Variants in RFC4 observed in about 807,000 individuals in gnomAD.
RFC4 encodes the protein replication factor C subunit 4.
RFC4 carries 38 observed loss-of-function variants against 47.6 expected under a neutral mutation model. The observed-to-expected ratio is 0.80, with a 90% CI of 0.62 to 1.05. RFC4 has a LOEUF of 1.05. Ranked by LOEUF, RFC4 falls within the 50% of genes least tolerant of loss-of-function variation. The pLI, the probability that RFC4 is intolerant of heterozygous loss-of-function variation, is 0.00. For synonymous variants in RFC4, 164 were observed against 150.0 expected, an observed-to-expected ratio of 1.09 and a Z score of -0.68; for missense variants, 489 against 434.0, an observed-to-expected ratio of 1.13 and a Z score of -1.13.
chr3:186,803,483 A>C (rs1722403821), intron 2 of RFC4, among the ~76,000 whole-genome samples: 1 of 152,166 alleles, frequency 6.6e-6, no homozygotes, highest in Non-Finnish European at 1.5e-5. Flanking sequence ...TACTTGTGGT[A>C]ATATCACTTA....
chr3:186,792,515 T>A lies in RFC4; in HGVS notation c.650A>T (p.Lys217Met). 6.2e-7 allele frequency: 1 copy of A among 1,612,962 alleles called. No individual in the cohort carries two copies. Among genetic ancestry groups the A allele is most frequent in the Non-Finnish European group, 8.5e-7 (1 of 1,179,002 alleles). The stretch of plus-strand genomic sequence containing the variant: ...CTCATCACTAATTTTGACATTTTCC[T>A]TCTTGGCAATGTCTAGTAATCGCTG... ...QQQRLLDIAK[K>M]ENVKISDEGI... The change falls in exon 7 of 11, where the codon AAG (lysine) becomes ATG (methionine). Residue 217 changes from lysine (K) to methionine (M), a missense_variant. Lys to Met is a moderately conservative substitution (Grantham distance 95). This residue lies in a region of RFC4 where 283 missense variants were observed against 176.2 expected (regional missense o/e 1.61). Coordinates refer to ENST00000296273, the MANE Select transcript of RFC4 (RefSeq NM_002916.5).
At chr3:186,792,711 TTAATG>T (rs1722168115) in intron 6 of RFC4, 88 bp downstream of exon 6, 3 of 1,554,874 alleles carry the variant, frequency 1.9e-6, no homozygotes, top group South Asian at 1.2e-5. Flanking sequence ...GGAGGAAAAA[TTAATG>T]TAGCCTTGAA....
intron 3 of RFC4, among the ~76,000 whole-genome samples, chr3:186,800,041 C>T (rs200109393): frequency 5.3e-5 from 8 of 152,192 alleles, no homozygotes; most frequent in African/African-American, 1.4e-4. Context: ...GCAACCCCTC[C>T]GCCTCCCAGG....
chr3:186,791,453 C>T, intron 8 of RFC4: 1 of 387,554 alleles, frequency 2.6e-6, no homozygotes, highest in East Asian at 5.9e-5. Context: ...CTGGGCGACA[C>T]AGCAAGACTC....
intron 3 of RFC4, among the ~76,000 whole-genome samples, chr3:186,800,169 C>A (rs1722323966): frequency 6.6e-6 from 1 of 152,078 alleles, no homozygotes; most frequent in Non-Finnish European, 1.5e-5. Flanking sequence ...GTTGGCCAGG[C>A]TGGTCTTGAA....
chr3:186,793,747 G>A lies in RFC4; in HGVS notation c.411-800C>T, dbSNP rs1335832859. ...TTGCCTTTTTTTTTTTTTTGAGATA[G>A]AGTCTTGCTCTGTCGCCCAGGCTGG... On this transcript the variant is annotated intron_variant, in intron 5 of 10. Transcript: ENST00000296273. The surrounding 1 kb of genome is among the most constrained non-coding windows in gnomAD (Gnocchi z 4.2). Among the ~76,000 whole-genome samples the A allele has an allele frequency of 4.0e-5, 6 of 149,758 alleles. No individual in the cohort carries two copies. The highest frequency in any genetic ancestry group is 2.1e-4 in the South Asian group (1 of 4,760).
At position 186,790,077 on chromosome 3, in the gene RFC4, T is replaced by G; in HGVS notation, c.997-13A>C. The G allele has an allele frequency of 1.2e-6, 2 of 1,611,026 alleles. No individual in the cohort carries two copies. Among genetic ancestry groups the G allele is most frequent in the Non-Finnish European group, 1.7e-6 (2 of 1,177,486 alleles). On this transcript the variant is annotated splice_polypyrimidine_tract_variant and intron_variant, in intron 10 of 10. Transcript: ENST00000296273. The stretch of plus-strand genomic sequence containing the variant: ...ATTTGTCAACTTCCTACGAGAAAAA[T>G]TTAAGAAATTAGCATCCTTCAGGTA...
intron 3 of RFC4, 28 bp from the exon 4 acceptor site, chr3:186,797,642 A>T (rs899226019): frequency 6.8e-7 from 1 of 1,471,620 alleles, no homozygotes. Flanking sequence ...TATTTTTAAT[A>T]AATGGTATTC....
In RFC4 at chr3:186,804,501, AG is replaced by A. The variant is rs1473518362; in HGVS notation, c.131+81del. On this transcript the variant is annotated intron_variant, in intron 2 of 10. Transcript: ENST00000296273. ...AAACAGAACAAAGCATTCCTCCATA[AG>A]TTAAAAAAAAAAAAAAGTGATCAGT... is the stretch of plus-strand genomic sequence containing the variant. 7 of 1,356,030 alleles carry A rather than the reference AG, an allele frequency of 5.2e-6. No individual in the cohort carries two copies. The East Asian group carries it at 9.3e-5, about 18-fold the overall frequency. 84.0% of individuals were successfully genotyped at this position (1,356,030 alleles called of 1,614,324 possible).
Position 186,789,912 on chromosome 3 carries a change from T to A in RFC4, c.*57A>T. The A allele has an allele frequency of 8.8e-7, 1 of 1,136,304 alleles. No homozygotes were observed. Among genetic ancestry groups the A allele is most frequent in the Non-Finnish European group, 1.3e-6 (1 of 770,406 alleles). The allele number at this position is 1,136,304 out of a possible 1,614,324, so 70.4% of individuals were successfully genotyped here. A position where few individuals can be genotyped will look rare whatever the true frequency, so the allele number is the denominator to read the frequency against. On this transcript the variant is annotated 3_prime_UTR_variant, in exon 11 of 11. Coordinates refer to ENST00000296273, the MANE Select transcript of RFC4 (RefSeq NM_002916.5). ...TTCACTTTAAAGGTGCTTTTGGTCATTTTATTTTTATTACAACTTCATTAT... is the reference window on the plus strand; with the variant it reads ...TTCACTTTAAAGGTGCTTTTGGTCAATTTATTTTTATTACAACTTCATTAT...
intron 8 of RFC4, among the ~76,000 whole-genome samples, chr3:186,790,635 C>T (rs1722089851): frequency 6.6e-6 from 1 of 152,176 alleles, no homozygotes; most frequent in South Asian, 2.1e-4. Context: ...TGTGAACTTC[C>T]AAGTTTGGGC....
At position 186,790,208 on chromosome 3, in the gene RFC4, G is replaced by T; in HGVS notation, c.930C>A (p.Leu310=). 1.9e-6 allele frequency: 3 copies of T among 1,613,986 alleles called. No homozygotes were observed. The South Asian group carries it at 3.3e-5, about 18-fold the overall frequency. Reference sequence around the variant, plus strand: ...AGTTATTTTCTACAACCACATCATGGAGTTGATTGACGAGCTGAGTTGCTG... The same window carrying T: ...AGTTATTTTCTACAACCACATCATGTAGTTGATTGACGAGCTGAGTTGCTG... ...GHAATQLVNQ[L]HDVVVENNLS... is the part of the protein sequence containing the mutation. The change falls in exon 10 of 11, where the codon CTC becomes CTA. Residue 310 remains leucine (L), a synonymous_variant. Transcript: ENST00000296273.
At position 186,792,499 on chromosome 3, in the gene RFC4, A is replaced by G. The variant is rs1174749249; in HGVS notation, c.666T>C (p.Ile222=). ...AATAATTAGTAATTACCTCATCACT[A>G]ATTTTGACATTTTCCTTCTTGGCAA... ...LDIAKKENVK[I]SDEGIAYLVK... The change falls in exon 7 of 11, where the codon ATT becomes ATC. Residue 222 remains isoleucine (I), a synonymous_variant. Transcript: ENST00000296273. 6.2e-7 allele frequency: 1 copy of G among 1,611,796 alleles called. No homozygotes were observed. Among genetic ancestry groups the G allele is most frequent in the South Asian group, 1.1e-5 (1 of 91,004 alleles).
chr3:186,796,462 C>A lies in RFC4; in HGVS notation c.290+1073G>T, dbSNP rs1476772748. ...ATTTTGACATAACTAATAATCCTTACACATTTGGTGATTTCAGTGGCGTCT... is the reference window on the plus strand; with the variant it reads ...ATTTTGACATAACTAATAATCCTTAAACATTTGGTGATTTCAGTGGCGTCT... On this transcript the variant is annotated intron_variant, in intron 4 of 10. Transcript: ENST00000296273. The surrounding 1 kb of genome is among the most constrained non-coding windows in gnomAD (Gnocchi z 4.2). Among the ~76,000 whole-genome samples the A allele has an allele frequency of 6.6e-6, 1 of 151,964 alleles. No individual in the cohort carries two copies. Among genetic ancestry groups the A allele is most frequent in the African/African-American group, 2.4e-5 (1 of 41,412 alleles).
chr3:186,794,692 A>G lies in RFC4; in HGVS notation c.376T>C (p.Phe126Leu). 6.2e-7 allele frequency: 1 copy of G among 1,614,140 alleles called. No homozygotes were observed. Among genetic ancestry groups the G allele is most frequent in the Non-Finnish European group, 8.5e-7 (1 of 1,180,002 alleles). Residue 126 changes from phenylalanine to leucine, a missense_variant, in exon 5 of 11, where the codon TTT (phenylalanine) becomes CTT (leucine). By Grantham distance (22) the Phe-to-Leu change is conservative. Transcript: ENST00000296273. ...CTTCCTGACACAGTTAATTGAGCAA[A>G]ATTTTTCACTTTCTCTCGAACTACT... Reference protein sequence around the residue: ...IQVVREKVKNFAQLTVSGSRS... With the variant: ...IQVVREKVKNLAQLTVSGSRS...
intron 4 of RFC4, among the ~76,000 whole-genome samples, chr3:186,795,559 C>T (rs1722226093): frequency 6.6e-6 from 1 of 152,112 alleles, no homozygotes; most frequent in Non-Finnish European, 1.5e-5. Flanking sequence ...CTTTGGGAGG[C>T]CGAGGCGGGT....
intron 1 of RFC4, chr3:186,805,613 G>T (rs1388564796): frequency 4.6e-5 from 7 of 152,126 alleles, no homozygotes; most frequent in Non-Finnish European, 1.0e-4. Context: ...TGTTAAAATA[G>T]AAACAGCTGT....
chr3:186,794,909 T>C, intron 4 of RFC4, 132 bp from the exon 5 acceptor site: 2 of 1,001,468 alleles, frequency 2.0e-6, no homozygotes, highest in East Asian at 2.6e-5. Context: ...ACAATCACTT[T>C]TGCATTCTCG....
chr3:186,790,715 C>T (rs1414912310), intron 8 of RFC4, among the ~76,000 whole-genome samples: 5 of 152,206 alleles, frequency 3.3e-5, no homozygotes, highest in African/African-American at 9.7e-5. Context: ...TATAACGATT[C>T]CTCAGAACAG....
Sources: allele counts gnomAD v4.1 joint callset (sites outside exome capture counted in the v4.1 genomes callset), GRCh38; gene constraint gnomAD v4.1.1; regional missense constraint gnomAD v4.1.1; non-coding constraint Gnocchi (gnomAD v3.1); transcripts MANE v1.5; gene names NCBI Gene and HGNC (gene_info 2026-07-23, HGNC 2026-07-21).